Variants in THADA observed in about 807,000 individuals in gnomAD.
THADA encodes the protein tRNA (32-2'-O)-methyltransferase regulator THADA.
A neutral mutation model predicts 219.8 loss-of-function variants in THADA; 213 were observed. The ratio of observed to expected loss-of-function variants is 0.97; its 90% CI spans 0.87 to 1.09. The LOEUF (loss-of-function observed/expected upper bound fraction) is 1.09, where lower values mean the gene tolerates loss of function less well. THADA is among the 50% of genes least tolerant of loss of function. The probability of loss-of-function intolerance (pLI) is 0.00; values close to 1 mark genes in which losing one functional copy is unlikely to be tolerated. For missense variants in THADA, 2,956 were observed against 2,311.3 expected (o/e 1.28, Z -5.72); for synonymous variants, 1,018 against 828.9 (o/e 1.23, Z -3.92).
At chr2:43,533,469 G>C (rs1159958238) in intron 21 of THADA, among the ~76,000 whole-genome samples, 4 of 152,120 alleles carry the variant, frequency 2.6e-5, no homozygotes, top group Admixed American at 6.5e-5. Context: ...ATTTACAATA[G>C]CAAAGACTTG....
At chr2:43,549,144 AG>A (rs1696445756) in intron 20 of THADA, 65 bp downstream of exon 20, 3 of 1,299,396 alleles carry the variant, frequency 2.3e-6, no homozygotes, top group Middle Eastern at 5.3e-4. Flanking sequence ...CCATATAAAA[AG>A]GGCATTCTGT....
intron 26 of THADA, among the ~76,000 whole-genome samples, chr2:43,468,829 C>T (rs777959766): frequency 8.5e-5 from 13 of 152,208 alleles, no homozygotes; most frequent in South Asian, 2.1e-4. Flanking sequence ...ACATTTATTC[C>T]TCACAACTCT....
chr2:43,544,482 T>C lies in THADA; in HGVS notation c.3107-3166A>G, dbSNP rs949040508. On this transcript the variant is annotated intron_variant, in intron 20 of 37. Coordinates refer to ENST00000405975, the MANE Select transcript of THADA (RefSeq NM_022065.5). ...ACCTTGGGCAGTATGGCCACTTTCA[T>C]GATATTGATTCTTCCTACCCATGAG... is the stretch of plus-strand genomic sequence containing the variant. Among the ~76,000 whole-genome samples the C allele has an allele frequency of 1.1e-3, 167 of 152,284 alleles. 1 individual carries two copies. Among genetic ancestry groups the C allele is most frequent in the African/African-American group, 3.8e-3 (158 of 41,560 alleles).
At chr2:43,264,134 G>T (rs1400413296) in intron 36 of THADA, among the ~76,000 whole-genome samples, 7 of 151,996 alleles carry the variant, frequency 4.6e-5, no homozygotes, top group African/African-American at 1.4e-4. Flanking sequence ...TGCCTATTGG[G>T]GACTGATTTT....
At chr2:43,382,453 T>C (rs1028257273) in intron 29 of THADA, among the ~76,000 whole-genome samples, 1 of 152,154 alleles carries the variant, frequency 6.6e-6, no homozygotes. Context: ...ATCAGATATA[T>C]GTTCTTTATG....
At position 43,235,812 on chromosome 2, in the gene THADA, A is replaced by AT. The variant is rs201803796; in HGVS notation, c.5297-2931dup. On this transcript the variant is annotated intron_variant, in intron 36 of 37. Coordinates refer to ENST00000405975, the MANE Select transcript of THADA (RefSeq NM_022065.5). ...GGACAGGTAGCCTCTATCCTGCACC[A>AT]TTTTTTTTTTTTGAGACAGAGTCTC... Among the ~76,000 whole-genome samples the AT allele has an allele frequency of 9.3e-3, 1,329 of 143,044 alleles. 16 individuals are homozygous for AT. Among genetic ancestry groups the AT allele is most frequent in the African/African-American group, 0.031 (1,205 of 39,186 alleles). 93.8% of individuals were successfully genotyped at this position (143,044 alleles called of 152,430 possible).
intron 24 of THADA, among the ~76,000 whole-genome samples, chr2:43,501,269 G>A (rs1157609016): frequency 8.9e-6 from 1 of 112,916 alleles, no homozygotes; most frequent in Non-Finnish European, 1.6e-5. Context: ...TTGCACCATT[G>A]CACTCGAACC....
chr2:43,256,351 C>CTT (rs76489639), intron 36 of THADA, among the ~76,000 whole-genome samples: 10 of 145,686 alleles, frequency 6.9e-5, no homozygotes, highest in Admixed American at 4.8e-4. Context: ...CTCTCTTCTA[C>CTT]TTTTTTTTTT....
chr2:43,252,735 C>G (rs1669929795), intron 36 of THADA, among the ~76,000 whole-genome samples: 2 of 152,194 alleles, frequency 1.3e-5, no homozygotes, highest in South Asian at 2.1e-4. Context: ...TCAATCTGAT[C>G]TGCCACCAGG....
At chr2:43,359,824 G>A (rs1669296546) in intron 29 of THADA, among the ~76,000 whole-genome samples, 1 of 150,124 alleles carries the variant, frequency 6.7e-6, no homozygotes, top group Non-Finnish European at 1.5e-5. Flanking sequence ...GCATCTCCCT[G>A]TGTTGCCCAG....
intron 24 of THADA, among the ~76,000 whole-genome samples, chr2:43,502,721 T>G (rs1689162951): frequency 6.6e-6 from 1 of 151,882 alleles, no homozygotes; most frequent in Non-Finnish European, 1.5e-5. Context: ...CTATTCTATT[T>G]TATTAAAATT....
At chr2:43,357,070 A>C (rs1273001010) in intron 29 of THADA, among the ~76,000 whole-genome samples, 2 of 152,262 alleles carry the variant, frequency 1.3e-5, no homozygotes. Context: ...CACTGTGCTT[A>C]TCCCTAAAAT....
chr2:43,296,106 G>C (rs1004925041), intron 31 of THADA, among the ~76,000 whole-genome samples: 10 of 151,884 alleles, frequency 6.6e-5, no homozygotes, highest in African/African-American at 2.2e-4. Context: ...ATTTAGTAGA[G>C]ACAGGGTTTT....
At chr2:43,423,746 G>A (rs1678045652) in intron 28 of THADA, among the ~76,000 whole-genome samples, 1 of 152,104 alleles carries the variant, frequency 6.6e-6, no homozygotes, top group Non-Finnish European at 1.5e-5. Flanking sequence ...TATGGTCCTA[G>A]GTTTGAGGCA....
Position 43,571,752 on chromosome 2 carries a change from G to C in THADA, c.2019C>G (p.Ser673Arg), listed in dbSNP as rs1414039792. The C allele has an allele frequency of 6.2e-7, 1 of 1,613,780 alleles. No individual in the cohort carries two copies. The highest frequency in any genetic ancestry group is 1.1e-5 in the South Asian group (1 of 91,070). ...TCTGTTGCCGCACTCCTGGAGACTG[G>C]CTGTTAAGATTGTATGTAATAAAGA... ...IQFFITYNLN[S>R]QSPGVRQQIC... Residue 673 changes from serine to arginine, a missense_variant, in exon 13 of 38, where the codon AGC becomes AGG. Transcript: ENST00000405975.
intron 36 of THADA, among the ~76,000 whole-genome samples, chr2:43,256,281 G>A (rs1426413543): frequency 3.9e-5 from 6 of 152,090 alleles, no homozygotes; most frequent in Non-Finnish European, 7.4e-5. Context: ...GGCCAAGGTG[G>A]GAGTTATCAC....
chr2:43,414,472 T>TTG (rs1326984092), intron 28 of THADA, among the ~76,000 whole-genome samples: 19 of 152,210 alleles, frequency 1.2e-4, no homozygotes, highest in Admixed American at 1.2e-3. Flanking sequence ...ATACTATGGT[T>TTG]TGTATGCTTG....
chr2:43,308,217 T>C (rs1001276932), intron 31 of THADA, among the ~76,000 whole-genome samples: 1 of 152,050 alleles, frequency 6.6e-6, no homozygotes, highest in African/African-American at 2.4e-5. Flanking sequence ...CAGTAGTACG[T>C]TATACGCTGC....
chr2:43,410,185 C>T (rs1676104810), intron 28 of THADA, among the ~76,000 whole-genome samples: 2 of 152,010 alleles, frequency 1.3e-5, no homozygotes, highest in African/African-American at 4.8e-5. Flanking sequence ...AATTAAAACC[C>T]CAGTGAAATA....
Sources: allele counts gnomAD v4.1 joint callset (sites outside exome capture counted in the v4.1 genomes callset), GRCh38; gene constraint gnomAD v4.1.1; transcripts MANE v1.5; gene names NCBI Gene and HGNC (gene_info 2026-07-23, HGNC 2026-07-21).